The following SPMIP4 variants were observed in gnomAD, a reference collection of about 807,000 sequenced individuals.
SPMIP4 encodes sperm-associated microtubule inner protein 4.
the SPMIP4 span, among the ~76,000 whole-genome samples, chr7:25,172,684 C>G: frequency 6.6e-6 from 1 of 152,144 alleles, no homozygotes; most frequent in Non-Finnish European, 1.5e-5. This position sits in a 1 kb window ranked among gnomAD's most constrained non-coding sequence, Gnocchi z 4.2. Flanking sequence ...TATCCCTATC[C>G]TTGTCCTGGG....
the SPMIP4 span, among the ~76,000 whole-genome samples, chr7:25,144,287 A>C: frequency 6.6e-6 from 1 of 152,220 alleles, no homozygotes; most frequent in Non-Finnish European, 1.5e-5. Flanking sequence ...TTGACAAAAT[A>C]TCTCTGGAAC....
the SPMIP4 span, among the ~76,000 whole-genome samples, chr7:25,156,399 G>A: frequency 6.6e-6 from 1 of 152,022 alleles, no homozygotes; most frequent in Non-Finnish European, 1.5e-5. Context: ...CTAACAAAAA[G>A]GACTTTACTT....
chr7:25,141,369 C>T, the SPMIP4 span, among the ~76,000 whole-genome samples: 10 of 152,140 alleles, frequency 6.6e-5, no homozygotes, highest in Non-Finnish European at 4.4e-5. Flanking sequence ...GTCAGGAGAT[C>T]GAGACCATCC....
chr7:25,169,281 G>A, the SPMIP4 span, among the ~76,000 whole-genome samples: 2 of 152,060 alleles, frequency 1.3e-5, no homozygotes, highest in African/African-American at 4.8e-5. Context: ...TGGCTTTAAA[G>A]TTTATTCACA....
chr7:25,177,749 G>C, the SPMIP4 span, among the ~76,000 whole-genome samples: 1 of 152,114 alleles, frequency 6.6e-6, no homozygotes, highest in Non-Finnish European at 1.5e-5. Flanking sequence ...GCATTTGGTA[G>C]AGTGCTGACA....
chr7:25,171,662 C>G, the SPMIP4 span, among the ~76,000 whole-genome samples: 20 of 152,224 alleles, frequency 1.3e-4, no homozygotes, highest in East Asian at 3.5e-3. Context: ...AAATAGGAAC[C>G]CAGTGAAGTA....
At chr7:25,178,915 C>T in the SPMIP4 span, among the ~76,000 whole-genome samples, 2 of 152,116 alleles carry the variant, frequency 1.3e-5, no homozygotes, top group Non-Finnish European at 2.9e-5. Context: ...GTGGTGCATG[C>T]CTGTAATCCC....
At chr7:25,132,519 T>C in the SPMIP4 span, among the ~76,000 whole-genome samples, 95 of 152,334 alleles carry the variant, frequency 6.2e-4, no homozygotes, top group Middle Eastern at 6.8e-3. This position sits in a 1 kb window ranked among gnomAD's most constrained non-coding sequence, Gnocchi z 5.0. Flanking sequence ...ATTTTGTAAA[T>C]GTCTTTTTGT....
At chr7:25,132,979 CAT>C in the SPMIP4 span, among the ~76,000 whole-genome samples, 14,593 of 152,182 alleles carry the variant, frequency 0.096, 829 homozygotes, top group East Asian at 0.17. The surrounding 1 kb of genome is among the most constrained non-coding windows in gnomAD (Gnocchi z 5.0). Context: ...CTGCTGTACA[CAT>C]AGTGGACAAA....
the SPMIP4 span, among the ~76,000 whole-genome samples, chr7:25,171,200 G>A: frequency 1.3e-5 from 2 of 152,120 alleles, no homozygotes; most frequent in African/African-American, 4.8e-5. Context: ...TAAATTGGTT[G>A]GTAGGGCTTA....
At chr7:25,163,706 T>G in the SPMIP4 span, among the ~76,000 whole-genome samples, 7 of 152,314 alleles carry the variant, frequency 4.6e-5, no homozygotes, top group South Asian at 1.4e-3. This position sits in a 1 kb window ranked among gnomAD's most constrained non-coding sequence, Gnocchi z 4.4. Context: ...GGGTGACCTA[T>G]CCCTGGATGT....
chr7:25,135,742 C>T, the SPMIP4 span: 11 of 1,154,944 alleles, frequency 9.5e-6, no homozygotes, highest in Non-Finnish European at 1.2e-5. Context: ...ATAAATTTTT[C>T]TAGTTCTAAT....
chr7:25,156,774 G>A, the SPMIP4 span, among the ~76,000 whole-genome samples: 20 of 152,218 alleles, frequency 1.3e-4, no homozygotes, highest in Admixed American at 1.2e-3. Flanking sequence ...TGCAACCTCC[G>A]CCTCCCAGGT....
the SPMIP4 span, chr7:25,158,577 T>C: frequency 6.8e-7 from 1 of 1,473,012 alleles, no homozygotes; most frequent in East Asian, 2.3e-5. Context: ...TGAGGGCTTT[T>C]AAAGGTTTAT....
chr7:25,139,406 T>G, the SPMIP4 span, among the ~76,000 whole-genome samples: 1 of 150,144 alleles, frequency 6.7e-6, no homozygotes, highest in African/African-American at 2.4e-5. Flanking sequence ...AATTATACAT[T>G]TTTTTTTTTA....
At chr7:25,178,778 C>A in the SPMIP4 span, among the ~76,000 whole-genome samples, 3 of 152,068 alleles carry the variant, frequency 2.0e-5, no homozygotes, top group East Asian at 1.9e-4. Flanking sequence ...AGTGGTCACG[C>A]CTGTAATCCC....
chr7:25,159,162 G>T, the SPMIP4 span, among the ~76,000 whole-genome samples: 1 of 152,208 alleles, frequency 6.6e-6, no homozygotes, highest in Non-Finnish European at 1.5e-5. Flanking sequence ...GAAGCCTGAC[G>T]TTATACATGG....
the SPMIP4 span, among the ~76,000 whole-genome samples, chr7:25,139,832 T>A: frequency 6.6e-6 from 1 of 152,256 alleles, no homozygotes; most frequent in Non-Finnish European, 1.5e-5. Flanking sequence ...AAATATTTCA[T>A]ACACATTTTT....
chr7:25,174,458 T>C, the SPMIP4 span, among the ~76,000 whole-genome samples: 3,818 of 152,314 alleles, frequency 0.025, 66 homozygotes, highest in Non-Finnish European at 0.037. The surrounding 1 kb of genome is among the most constrained non-coding windows in gnomAD (Gnocchi z 4.5). Flanking sequence ...TTAAAGTCAC[T>C]GTACAAGATT....
Sources: gnomAD v4.1 joint callset for allele counts (sites outside exome capture counted in the v4.1 genomes callset) on GRCh38, gnomAD v4.1.1 for gene constraint, Gnocchi (gnomAD v3.1) non-coding constraint, MANE v1.5 for transcripts, NCBI Gene and HGNC (gene_info 2026-07-23, HGNC 2026-07-21) for gene names.